SMAP1: variants seen among roughly 807,000 people sequenced by gnomAD.
The protein encoded by SMAP1 is small ArfGAP 1.
SMAP1 carries 24 observed loss-of-function variants against 58.5 expected under a neutral mutation model. The ratio of observed to expected loss-of-function variants is 0.41; its 90% CI spans 0.30 to 0.58. SMAP1 has a LOEUF of 0.58. Ranked by LOEUF, SMAP1 falls within the 20% of genes least tolerant of loss-of-function variation. SMAP1 has a pLI of 0.29. For synonymous variants in SMAP1, 216 were observed against 196.6 expected, an observed-to-expected ratio of 1.10 and a Z score of -0.82; for missense variants, 563 against 566.3, an observed-to-expected ratio of 0.99 and a Z score of 0.06.
chr6:70,707,605 T>C (rs1767889760), intron 1 of SMAP1, among the ~76,000 whole-genome samples: 1 of 152,152 alleles, frequency 6.6e-6, no homozygotes, highest in Non-Finnish European at 1.5e-5. Flanking sequence ...CATTTATTTA[T>C]TTATTTATAT....
chr6:70,809,704 A>T (rs1342244933), intron 6 of SMAP1, among the ~76,000 whole-genome samples: 1 of 152,234 alleles, frequency 6.6e-6, no homozygotes, highest in African/African-American at 2.4e-5. Flanking sequence ...CTTTTATAAA[A>T]ATCATAGAAA....
At chr6:70,716,033 A>G (rs968223176) in intron 1 of SMAP1, among the ~76,000 whole-genome samples, 10 of 152,198 alleles carry the variant, frequency 6.6e-5, no homozygotes, top group South Asian at 2.1e-4. Context: ...ATGGTCTCCA[A>G]TCCCATCCAG....
chr6:70,760,409 A>G (rs1766700474), intron 3 of SMAP1, among the ~76,000 whole-genome samples: 1 of 152,108 alleles, frequency 6.6e-6, no homozygotes, highest in Non-Finnish European at 1.5e-5. Context: ...AACATGTTTG[A>G]GCTAGATGAT....
At chr6:70,715,440 T>C (rs1398830162) in intron 1 of SMAP1, among the ~76,000 whole-genome samples, 8 of 152,234 alleles carry the variant, frequency 5.3e-5, no homozygotes. Flanking sequence ...TTGGGCTACC[T>C]GAATCTGGAT....
chr6:70,732,228 C>G, intron 1 of SMAP1, 150 bp from the exon 2 acceptor site: 1 of 670,982 alleles, frequency 1.5e-6, no homozygotes, highest in Middle Eastern at 4.5e-4. Flanking sequence ...TCTTAGCAGA[C>G]TGCCGCCAGT....
Position 70,860,461 on chromosome 6 carries a change from C to T in SMAP1, c.*127C>T. On this transcript the variant is annotated 3_prime_UTR_variant, in exon 11 of 11. Coordinates refer to ENST00000370455, the MANE Select transcript of SMAP1 (RefSeq NM_001044305.3). ...CCCATTTGTTCATATTAAGAATGAT[C>T]TGATTGACCGTGTTGGTCTGTACTG... The T allele has an allele frequency of 8.7e-7, 1 of 1,146,834 alleles. No homozygotes were observed. The highest frequency in any genetic ancestry group is 1.2e-6 in the Non-Finnish European group (1 of 829,406). 71.0% of individuals were successfully genotyped at this position (1,146,834 alleles called of 1,614,324 possible). A position where few individuals can be genotyped will look rare whatever the true frequency, so the allele number is the denominator to read the frequency against.
At chr6:70,816,768 A>C (rs927525364) in intron 6 of SMAP1, among the ~76,000 whole-genome samples, 20 of 152,186 alleles carry the variant, frequency 1.3e-4, no homozygotes, top group African/African-American at 4.8e-4. Context: ...CCACTGCTTT[A>C]TGTTAACCAA....
In SMAP1 at chr6:70,818,047, A is replaced by G. The variant is rs1436849127; in HGVS notation, c.577-18894A>G. On this transcript the variant is annotated intron_variant, in intron 6 of 10. Coordinates refer to ENST00000370455, the MANE Select transcript of SMAP1 (RefSeq NM_001044305.3). ...CATTTCTTTCCATTCCCATTTCTCC[A>G]TTATTTTCACTTTCTCCTCTTTCTA... Among the ~76,000 whole-genome samples the G allele has an allele frequency of 4.6e-5, 7 of 152,114 alleles. No individual in the cohort carries two copies. The East Asian group carries it at 1.3e-3, about 29-fold the overall frequency.
At chr6:70,752,154 T>C (rs10945243) in intron 2 of SMAP1, among the ~76,000 whole-genome samples, 70,005 of 151,990 alleles carry the variant, frequency 0.46, 16,421 homozygotes, top group South Asian at 0.5. Context: ...AGGAACTGAA[T>C]CTTAGTGTCA....
chr6:70,736,326 G>A (rs766867439), intron 2 of SMAP1, among the ~76,000 whole-genome samples: 17 of 152,126 alleles, frequency 1.1e-4, no homozygotes, highest in Admixed American at 5.2e-4. Flanking sequence ...TTATTGTCAC[G>A]TACTTCTCAA....
At chr6:70,847,071 A>G (rs1771021256) in intron 7 of SMAP1, among the ~76,000 whole-genome samples, 1 of 152,214 alleles carries the variant, frequency 6.6e-6, no homozygotes, top group Non-Finnish European at 1.5e-5. Flanking sequence ...GGCACTTGGA[A>G]TGCACCAAGG....
At chr6:70,857,318 C>T (rs749845573) in intron 9 of SMAP1, 40 of 235,946 alleles carry the variant, frequency 1.7e-4, no homozygotes, top group Non-Finnish European at 2.9e-4. Flanking sequence ...ATTATTGAAA[C>T]GATTTGCATG....
At chr6:70,743,190 A>G (rs1215463874) in intron 2 of SMAP1, among the ~76,000 whole-genome samples, 1 of 152,198 alleles carries the variant, frequency 6.6e-6, no homozygotes, top group African/African-American at 2.4e-5. Context: ...GTTGCAGGCC[A>G]TCAGGCAGGT....
intron 2 of SMAP1, among the ~76,000 whole-genome samples, chr6:70,752,737 C>T (rs544829205): frequency 1.6e-4 from 25 of 152,032 alleles, no homozygotes; most frequent in Admixed American, 1.5e-3. Flanking sequence ...TCACTGCTCC[C>T]CTACCTCCCA....
chr6:70,790,183 G>A (rs1333393237), intron 4 of SMAP1, among the ~76,000 whole-genome samples: 7 of 151,664 alleles, frequency 4.6e-5, no homozygotes, highest in Middle Eastern at 3.4e-3. Context: ...CTCTGTCTCC[G>A]AGGCTGGAGT....
chr6:70,769,925 G>C (rs934253368), intron 3 of SMAP1, among the ~76,000 whole-genome samples: 6 of 151,596 alleles, frequency 4.0e-5, no homozygotes, highest in Admixed American at 2.6e-4. Context: ...GCTTCCTTCA[G>C]GAGCTCTCTT....
chr6:70,844,319 G>A (rs147135755), intron 7 of SMAP1, among the ~76,000 whole-genome samples: 3 of 152,276 alleles, frequency 2.0e-5, no homozygotes, highest in Admixed American at 6.5e-5. Flanking sequence ...CTAAATCAGA[G>A]TGCGTGTGTG....
At chr6:70,674,178 T>C (rs944541731) in intron 1 of SMAP1, among the ~76,000 whole-genome samples, 14 of 152,018 alleles carry the variant, frequency 9.2e-5, no homozygotes, top group African/African-American at 3.1e-4. Context: ...TGGAGTGCGA[T>C]GTAGGCTCTC....
Position 70,774,867 on chromosome 6 carries a change from G to C in SMAP1, c.414+1442G>C, listed in dbSNP as rs1176403391. On this transcript the variant is annotated intron_variant, in intron 4 of 10. Transcript: ENST00000370455. ...GTCTCTACTAAAAATACAAAAATTA[G>C]CTGGGCCCAGTGGTGCATGCCTGTA... 2.6e-5 allele frequency among the ~76,000 whole-genome samples: 4 copies of C among 152,110 alleles called. No individual in the cohort carries two copies. In the East Asian group the frequency reaches 7.7e-4, roughly 29 times the overall value.
Sources: gnomAD v4.1 joint callset for allele counts (sites outside exome capture counted in the v4.1 genomes callset) on GRCh38, gnomAD v4.1.1 for gene constraint, MANE v1.5 for transcripts, NCBI Gene and HGNC (gene_info 2026-07-23, HGNC 2026-07-21) for gene names.